Variants in MUC7 observed in about 807,000 individuals in gnomAD.
The protein encoded by MUC7 is mucin 7, secreted.
MUC7 carries 2 observed loss-of-function variants against 2.5 expected under a neutral mutation model. The ratio of observed to expected loss-of-function variants is 0.81; its 90% confidence interval spans 0.33 to 2.55. The LOEUF (loss-of-function observed/expected upper bound fraction) is 2.55, where lower values mean the gene tolerates loss of function less well. Among genes scored for constraint, MUC7 ranks in the 30% most tolerant of loss-of-function variants. The pLI, the probability that MUC7 is intolerant of heterozygous loss-of-function variation, is 0.11. For synonymous variants in MUC7, 133 were observed against 173.4 expected, an observed-to-expected ratio of 0.77 and a Z score of 1.83; for missense variants, 408 against 455.6, an observed-to-expected ratio of 0.90 and a Z score of 0.95.
intron 1 of MUC7, among the ~76,000 whole-genome samples, chr4:70,462,500 G>A (rs1411124272): frequency 6.6e-6 from 1 of 152,042 alleles, no homozygotes; most frequent in Non-Finnish European, 1.5e-5. Flanking sequence ...TAATTATGAA[G>A]TATATGAAAG....
chr4:70,442,522 C>G (rs1560545787), intron 1 of MUC7, among the ~76,000 whole-genome samples: 1 of 152,148 alleles, frequency 6.6e-6, no homozygotes, highest in Non-Finnish European at 1.5e-5. Flanking sequence ...CCCCTCCAGC[C>G]TAGGGGTACA....
At position 70,439,434 on chromosome 4, in the gene MUC7, G is replaced by A. The variant is rs866652726; in HGVS notation, c.-93+8747G>A. 7.9e-5 allele frequency among the ~76,000 whole-genome samples: 12 copies of A among 152,262 alleles called. 1 individual carries two copies. The Middle Eastern group carries it at 0.01, about 129-fold the overall frequency. ...TGGTGCCCGACTTTTGTTTTTAAAA[G>A]CACTCTGCCTCCTGTTTGGAGATAG... On this transcript the variant is annotated intron_variant, in intron 1 of 3. Coordinates refer to the MUC7 transcript ENST00000413702.
intron 2 of MUC7, among the ~76,000 whole-genome samples, chr4:70,474,735 G>A (rs976129993): frequency 6.6e-6 from 1 of 152,130 alleles, no homozygotes; most frequent in Non-Finnish European, 1.5e-5. Flanking sequence ...TTTCAAATCT[G>A]TCAGGAAGTC....
intron 1 of MUC7, among the ~76,000 whole-genome samples, chr4:70,438,930 A>C (rs887781579): frequency 1.3e-5 from 2 of 152,232 alleles, no homozygotes; most frequent in African/African-American, 4.8e-5. Flanking sequence ...TATCAAAGTC[A>C]TATCATGTGG....
At chr4:70,454,883 A>G (rs1734376574) in intron 1 of MUC7, among the ~76,000 whole-genome samples, 2 of 152,200 alleles carry the variant, frequency 1.3e-5, no homozygotes, top group Admixed American at 1.3e-4. Context: ...TGCAAAAATA[A>G]TTTTATATTC....
intron 1 of MUC7, among the ~76,000 whole-genome samples, chr4:70,455,744 C>T (rs1275010815): frequency 6.6e-6 from 1 of 152,072 alleles, no homozygotes; most frequent in Non-Finnish European, 1.5e-5. Flanking sequence ...GTATGTGGAA[C>T]TCGAGCTTTA....
intron 1 of MUC7, among the ~76,000 whole-genome samples, chr4:70,460,495 G>A (rs2109725907): frequency 6.6e-6 from 1 of 151,914 alleles, no homozygotes; most frequent in Non-Finnish European, 1.5e-5. Context: ...GATGGAGTGG[G>A]GGATGGAATC....
intron 1 of MUC7, among the ~76,000 whole-genome samples, chr4:70,439,164 G>C (rs1733940255): frequency 6.6e-6 from 1 of 152,178 alleles, no homozygotes; most frequent in Admixed American, 6.5e-5. Context: ...TTTTTAAAGA[G>C]ATGTCATTTA....
At chr4:70,433,245 G>GT (rs1469914256) in intron 1 of MUC7, among the ~76,000 whole-genome samples, 2 of 152,060 alleles carry the variant, frequency 1.3e-5, no homozygotes, top group Non-Finnish European at 2.9e-5. Context: ...ATTTAAAGTA[G>GT]TTTTTTTCTA....
chr4:70,467,390 G>T (rs1468046982), upstream of MUC7, among the ~76,000 whole-genome samples: 1 of 152,040 alleles, frequency 6.6e-6, no homozygotes, highest in Non-Finnish European at 1.5e-5. Flanking sequence ...GCTAGCAGAA[G>T]ACAAGAAATA....
chr4:70,474,176 C>A, intron 2 of MUC7, 101 bp downstream of exon 2: 1 of 939,988 alleles, frequency 1.1e-6, no homozygotes, highest in South Asian at 1.5e-5. Context: ...CCCCTATTTC[C>A]AAGAAGCTTG....
upstream of MUC7, among the ~76,000 whole-genome samples, chr4:70,468,380 G>A (rs990563584): frequency 6.6e-6 from 1 of 152,052 alleles, no homozygotes. Context: ...CACCACTCCT[G>A]TTCAACATAG....
chr4:70,438,450 GTTTT>G (rs1293220911), intron 1 of MUC7, among the ~76,000 whole-genome samples: 7 of 152,006 alleles, frequency 4.6e-5, no homozygotes, highest in African/African-American at 7.2e-5. Flanking sequence ...GTTTTGTTTT[GTTTT>G]GTTTTGGTTT....
upstream of MUC7, among the ~76,000 whole-genome samples, chr4:70,467,304 G>T (rs186211907): frequency 1.5e-4 from 23 of 152,270 alleles, no homozygotes; most frequent in Non-Finnish European, 3.2e-4. Flanking sequence ...ACAAGAGAAA[G>T]TAGAAAAGAA....
intron 1 of MUC7, among the ~76,000 whole-genome samples, chr4:70,466,809 G>A (rs1433865314): frequency 1.3e-5 from 2 of 152,014 alleles, no homozygotes. Flanking sequence ...AATAATACTG[G>A]GAGACTTCAA....
At chr4:70,465,003 G>C (rs145379088) in intron 1 of MUC7, among the ~76,000 whole-genome samples, 22 of 152,192 alleles carry the variant, frequency 1.4e-4, no homozygotes, top group Non-Finnish European at 2.5e-4. Context: ...GGAGAGTTCC[G>C]GTTGGCATCT....
chr4:70,435,277 T>C (rs533553951), intron 1 of MUC7, among the ~76,000 whole-genome samples: 18 of 152,196 alleles, frequency 1.2e-4, no homozygotes, highest in Non-Finnish European at 2.5e-4. Context: ...ATTTACTGTC[T>C]CGTTGATCTA....
chr4:70,480,820 G>T lies in MUC7; in HGVS notation c.76G>T (p.Asp26Tyr), dbSNP rs1011448849. Residue 26 changes from aspartate to tyrosine, a missense_variant, in exon 3 of 3, where the codon GAT (aspartate) becomes TAT (tyrosine). This residue lies in a region of MUC7 where 225 missense variants were observed against 240.5 expected (regional missense o/e 0.94). Transcript: ENST00000304887. Reference protein sequence around the residue: ...CFSFSEGRERDHELRHRRHHH... With the variant: ...CFSFSEGRERYHELRHRRHHH... Reference sequence around the variant, plus strand: ...GCAGTTCAGTGAAGGTCGAGAAAGGGATCATGAACTACGTCACAGAAGGCA... The same window carrying T: ...GCAGTTCAGTGAAGGTCGAGAAAGGTATCATGAACTACGTCACAGAAGGCA... The T allele has an allele frequency of 4.3e-6, 7 of 1,613,570 alleles. No individual in the cohort carries two copies. The highest frequency in any genetic ancestry group is 5.9e-6 in the Non-Finnish European group (7 of 1,179,724).
upstream of MUC7, among the ~76,000 whole-genome samples, chr4:70,469,307 G>C (rs915926210): frequency 2.0e-5 from 3 of 152,090 alleles, no homozygotes; most frequent in Non-Finnish European, 4.4e-5. Context: ...AAAAACCCTA[G>C]AAGAAAACCT....
Sources: allele counts gnomAD v4.1 joint callset (sites outside exome capture counted in the v4.1 genomes callset), GRCh38; gene constraint gnomAD v4.1.1; regional missense constraint gnomAD v4.1.1; transcripts MANE v1.5; gene names NCBI Gene and HGNC (gene_info 2026-07-23, HGNC 2026-07-21).